NLGN4X: variants seen among roughly 807,000 people sequenced by gnomAD.
NLGN4X encodes the protein neuroligin 4 X-linked.
Under a neutral mutation model 40.3 loss-of-function variants are expected in NLGN4X, and 3 were observed. The ratio of observed to expected loss-of-function variants is 0.07; its 90% CI spans 0.03 to 0.19. NLGN4X has a LOEUF of 0.19. NLGN4X is among the 10% of genes least tolerant of loss of function. The pLI, the probability that NLGN4X is intolerant of heterozygous loss-of-function variation, is 1.00. For missense variants in NLGN4X, 382 were observed against 708.3 expected (o/e 0.54, Z 5.23); for synonymous variants, 270 against 306.8 (o/e 0.88, Z 1.25).
At chrX:6,038,272 G>A (rs113888470) in intron 2 of NLGN4X, among the ~76,000 whole-genome samples, 15,887 of 111,520 alleles carry the variant, frequency 0.14, 1,028 homozygotes, top group Non-Finnish European at 0.2. Context: ...AAAACAGGCT[G>A]CTCTGAGCAG....
At chrX:5,958,595 T>C in intron 3 of NLGN4X, among the ~76,000 whole-genome samples, 1 of 111,729 alleles carries the variant, frequency 9.0e-6, no homozygotes, top group African/African-American at 3.2e-5. Flanking sequence ...TTTTCCAAAG[T>C]AAAAAGCTCC....
At chrX:6,206,902 A>G (rs1488007880) in intron 1 of NLGN4X, among the ~76,000 whole-genome samples, 1 of 112,155 alleles carries the variant, frequency 8.9e-6, no homozygotes, top group Non-Finnish European at 1.9e-5. Flanking sequence ...TCTGTAACAC[A>G]GTTCAATCCA....
Position 6,135,209 on chromosome X carries a change from T to C in NLGN4X, c.472+15786A>G, listed in dbSNP as rs748668405. Among the ~76,000 whole-genome samples the C allele has an allele frequency of 2.7e-5, 3 of 111,569 alleles. 1 individual carries two copies. Among genetic ancestry groups the C allele is most frequent in the Non-Finnish European group, 3.8e-5 (2 of 53,093 alleles). Reference sequence around the variant, plus strand: ...CCCAGGAGTGTCCCAGGAGGGTGACTCCCAACATAGAACTGCCTGGATAAC... The same window carrying C: ...CCCAGGAGTGTCCCAGGAGGGTGACCCCCAACATAGAACTGCCTGGATAAC... On this transcript the variant is annotated intron_variant, in intron 2 of 5. Coordinates refer to ENST00000381095, the MANE Select transcript of NLGN4X (RefSeq NM_181332.3).
chrX:5,918,174 G>A (rs554830819), intron 3 of NLGN4X, among the ~76,000 whole-genome samples: 6 of 108,541 alleles, frequency 5.5e-5, no homozygotes, highest in East Asian at 2.9e-4. Context: ...TTTTATTTAC[G>A]TTTTCATTTG....
intron 3 of NLGN4X, among the ~76,000 whole-genome samples, chrX:5,991,746 T>C (rs2035691198): frequency 8.9e-6 from 1 of 111,980 alleles, no homozygotes; most frequent in African/African-American, 3.2e-5. Flanking sequence ...ACCAATGAGT[T>C]ATAATTGAAA....
Position 5,952,688 on chromosome X carries a change from C to T in NLGN4X, c.626-43449G>A, listed in dbSNP as rs1440300827. On this transcript the variant is annotated intron_variant, in intron 3 of 5. Coordinates refer to ENST00000381095, the MANE Select transcript of NLGN4X (RefSeq NM_181332.3). ...AAATTGATCTATTTTAAGGAATTGGCTCATGCAATGTGGGAGCTGGCAAGT... is the reference window on the plus strand; with the variant it reads ...AAATTGATCTATTTTAAGGAATTGGTTCATGCAATGTGGGAGCTGGCAAGT... 5.4e-5 allele frequency among the ~76,000 whole-genome samples: 6 copies of T among 110,973 alleles called. No homozygotes were observed. In the East Asian group the frequency reaches 8.6e-4, roughly 16 times the overall value.
chrX:6,055,020 G>C (rs1275990007), intron 2 of NLGN4X, among the ~76,000 whole-genome samples: 1 of 112,164 alleles, frequency 8.9e-6, no homozygotes, highest in East Asian at 2.8e-4. Context: ...CTGGGATTCT[G>C]TTCCTCTACA....
chrX:6,167,636 C>A lies in NLGN4X; in HGVS notation c.-305-15865G>T, dbSNP rs976101676. ...GGGAAGGAGTCTCTACTCTTTAAGG[C>A]CCATGGAGAAGAATTCCGGGAATGA... On this transcript the variant is annotated intron_variant, in intron 1 of 5. Coordinates refer to ENST00000381095, the MANE Select transcript of NLGN4X (RefSeq NM_181332.3). Among the ~76,000 whole-genome samples, 3 of 111,762 alleles carry A rather than the reference C, an allele frequency of 2.7e-5. No individual in the cohort carries two copies. The Admixed American group carries it at 2.9e-4, about 11-fold the overall frequency.
intron 2 of NLGN4X, among the ~76,000 whole-genome samples, chrX:6,146,248 C>A (rs774283256): frequency 8.9e-5 from 10 of 112,391 alleles, no homozygotes; most frequent in Non-Finnish European, 1.5e-4. Flanking sequence ...TGACACCAAA[C>A]TGCTTAACAT....
chrX:5,940,710 G>A (rs770016228), intron 3 of NLGN4X, among the ~76,000 whole-genome samples: 1 of 110,096 alleles, frequency 9.1e-6, no homozygotes. Context: ...TGGTAGCAGA[G>A]AAGCTGTTAA....
chrX:6,162,143 A>G (rs2040413485), intron 1 of NLGN4X, among the ~76,000 whole-genome samples: 1 of 111,853 alleles, frequency 8.9e-6, no homozygotes, highest in South Asian at 3.7e-4. Context: ...GCACAAAAAC[A>G]CCTACTCATG....
At chrX:5,914,553 T>G (rs901130089) in intron 3 of NLGN4X, among the ~76,000 whole-genome samples, 2 of 109,921 alleles carry the variant, frequency 1.8e-5, no homozygotes, top group African/African-American at 6.6e-5. Flanking sequence ...TTAAATATCT[T>G]TCACCATTTC....
At chrX:6,135,341 T>C (rs1327472296) in intron 2 of NLGN4X, among the ~76,000 whole-genome samples, 2 of 112,107 alleles carry the variant, frequency 1.8e-5, no homozygotes, top group Non-Finnish European at 1.9e-5. Flanking sequence ...TATACAAGTT[T>C]TCTCATTTCT....
chrX:6,209,902 G>A (rs1351552994), intron 1 of NLGN4X, among the ~76,000 whole-genome samples: 1 of 112,288 alleles, frequency 8.9e-6, no homozygotes, highest in African/African-American at 3.2e-5. Flanking sequence ...CCAGGCTGGA[G>A]TGCAGTGGCA....
chrX:5,986,731 A>G (rs999498101), intron 3 of NLGN4X, among the ~76,000 whole-genome samples: 1 of 112,213 alleles, frequency 8.9e-6, no homozygotes, highest in African/African-American at 3.2e-5. Flanking sequence ...ACGCTTCACC[A>G]AACAGGACAT....
At chrX:6,022,779 C>G (rs1435551121) in intron 3 of NLGN4X, among the ~76,000 whole-genome samples, 1 of 111,598 alleles carries the variant, frequency 9.0e-6, no homozygotes, top group Non-Finnish European at 1.9e-5. Context: ...GAGCTCAGCC[C>G]ACCCTCCCTC....
intron 2 of NLGN4X, among the ~76,000 whole-genome samples, chrX:6,029,965 T>G (rs1380502497): frequency 4.5e-5 from 5 of 110,352 alleles, no homozygotes; most frequent in Non-Finnish European, 9.5e-5. Flanking sequence ...GGACAGATAA[T>G]GACAAGAAAG....
chrX:5,925,175 A>C (rs1381300070), intron 3 of NLGN4X, among the ~76,000 whole-genome samples: 1 of 111,407 alleles, frequency 9.0e-6, no homozygotes, highest in East Asian at 2.8e-4. Flanking sequence ...CACACTAAAC[A>C]CTTAGTGATA....
chrX:5,995,167 A>G (rs1378932673), intron 3 of NLGN4X, among the ~76,000 whole-genome samples: 1 of 112,398 alleles, frequency 8.9e-6, no homozygotes, highest in Non-Finnish European at 1.9e-5. Flanking sequence ...AACTGAAGCA[A>G]ATGCTCTGGT....
Sources: allele counts gnomAD v4.1 joint callset (sites outside exome capture counted in the v4.1 genomes callset), GRCh38; gene constraint gnomAD v4.1.1; transcripts MANE v1.5; gene names NCBI Gene and HGNC (gene_info 2026-07-23, HGNC 2026-07-21).